SEMA6D: variants seen among roughly 807,000 people sequenced by gnomAD.
SEMA6D encodes the protein semaphorin-6D.
SEMA6D carries 35 observed loss-of-function variants against 106.6 expected under a neutral mutation model. The ratio of observed to expected loss-of-function variants is 0.33; its 90% CI spans 0.25 to 0.44. The LOEUF (loss-of-function observed/expected upper bound fraction) is 0.44, where lower values mean the gene tolerates loss of function less well. SEMA6D is among the 20% of genes least tolerant of loss of function. The pLI is 1.00. For missense variants in SEMA6D, 1,185 were observed against 1,345.9 expected (o/e 0.88, Z 1.87); for synonymous variants, 499 against 487.7 (o/e 1.02, Z -0.31).
intron 1 of SEMA6D, among the ~76,000 whole-genome samples, chr15:47,213,245 C>T (rs1449241197): frequency 2.6e-5 from 4 of 152,178 alleles, no homozygotes; most frequent in Non-Finnish European, 5.9e-5. Flanking sequence ...ATACTTCCAT[C>T]ACTGCATGAA....
intron 3 of SEMA6D, among the ~76,000 whole-genome samples, chr15:47,489,380 A>T (rs1342712449): frequency 6.6e-6 from 1 of 152,224 alleles, no homozygotes; most frequent in African/African-American, 2.4e-5. Context: ...AGCAGCCCAA[A>T]TAAACTAATA....
intron 2 of SEMA6D, among the ~76,000 whole-genome samples, chr15:47,440,972 C>CA (rs2041864323): frequency 6.6e-6 from 1 of 152,086 alleles, no homozygotes; most frequent in South Asian, 2.1e-4. Flanking sequence ...TGTTTGTCCT[C>CA]ACCTTGTGTG....
chr15:47,525,831 T>A (rs1236170910), intron 3 of SEMA6D, among the ~76,000 whole-genome samples: 2 of 152,180 alleles, frequency 1.3e-5, no homozygotes, highest in African/African-American at 2.4e-5. Context: ...ATAGGCAGTT[T>A]TTTATGTCAT....
intron 2 of SEMA6D, among the ~76,000 whole-genome samples, chr15:47,419,810 T>A (rs1247357646): frequency 6.6e-6 from 1 of 152,104 alleles, no homozygotes; most frequent in Non-Finnish European, 1.5e-5. Context: ...TCAGGAAGTA[T>A]GAGGCCAAGA....
intron 1 of SEMA6D, among the ~76,000 whole-genome samples, chr15:47,743,616 GA>G (rs1379912498): frequency 2.0e-5 from 3 of 152,186 alleles, no homozygotes; most frequent in African/African-American, 7.2e-5. Flanking sequence ...GCCGGAGAAG[GA>G]AAAGAAGGAA....
At chr15:47,443,241 C>G (rs1421431947) in intron 2 of SEMA6D, among the ~76,000 whole-genome samples, 2 of 152,128 alleles carry the variant, frequency 1.3e-5, no homozygotes, top group South Asian at 2.1e-4. Flanking sequence ...TGTGTACCCT[C>G]TCTTTGAAAC....
chr15:47,578,765 G>T (rs1325144406), intron 3 of SEMA6D, among the ~76,000 whole-genome samples: 2 of 151,676 alleles, frequency 1.3e-5, no homozygotes, highest in Non-Finnish European at 2.9e-5. Flanking sequence ...TACCTATGTG[G>T]CATACATTTT....
At chr15:47,286,326 A>C (rs1341399622) in intron 1 of SEMA6D, among the ~76,000 whole-genome samples, 1 of 152,146 alleles carries the variant, frequency 6.6e-6, no homozygotes, top group Non-Finnish European at 1.5e-5. Flanking sequence ...TTTTGGTCTC[A>C]GTACACCTTT....
chr15:47,603,896 C>T (rs1297868762), intron 4 of SEMA6D: 2 of 152,112 alleles, frequency 1.3e-5, no homozygotes, highest in Admixed American at 1.3e-4. Context: ...TTCTGTTTTT[C>T]CTAACATTTA....
chr15:47,367,003 C>G (rs1013158105), intron 1 of SEMA6D, among the ~76,000 whole-genome samples: 3 of 152,196 alleles, frequency 2.0e-5, no homozygotes, highest in African/African-American at 7.2e-5. Flanking sequence ...AGCATGGACT[C>G]TAGAATGGGC....
chr15:47,318,976 G>A (rs1433376837), intron 1 of SEMA6D, among the ~76,000 whole-genome samples: 1 of 152,050 alleles, frequency 6.6e-6, no homozygotes, highest in African/African-American at 2.4e-5. Flanking sequence ...GGTGTGAGAT[G>A]GTATCTCATT....
At chr15:47,382,842 A>G (rs947258493) in intron 1 of SEMA6D, among the ~76,000 whole-genome samples, 5 of 152,168 alleles carry the variant, frequency 3.3e-5, no homozygotes, top group African/African-American at 1.2e-4. Context: ...ATCTTGGCTC[A>G]CTGTAACCTC....
intron 4 of SEMA6D, among the ~76,000 whole-genome samples, chr15:47,617,512 T>C (rs539046647): frequency 6.6e-6 from 1 of 152,302 alleles, no homozygotes; most frequent in African/African-American, 2.4e-5. Flanking sequence ...AGAAGTAGGC[T>C]TTCAGGAAAG....
At chr15:47,453,005 T>C (rs1424382676) in intron 2 of SEMA6D, among the ~76,000 whole-genome samples, 3 of 151,970 alleles carry the variant, frequency 2.0e-5, no homozygotes, top group African/African-American at 7.2e-5. Context: ...ACCTTCTCAT[T>C]TGTAGTTCAT....
At chr15:47,702,499 C>G (rs1047385872) in intron 4 of SEMA6D, among the ~76,000 whole-genome samples, 2 of 152,162 alleles carry the variant, frequency 1.3e-5, no homozygotes, top group African/African-American at 4.8e-5. Context: ...CCATACAATC[C>G]AACAATCGCA....
Position 47,451,864 on chromosome 15 carries a change from T to C in SEMA6D, c.-158-18610T>C, listed in dbSNP as rs2042203650. On this transcript the variant is annotated intron_variant, in intron 2 of 19. Transcript: ENST00000558014. ...CAATGGACATGCTGTTGGTCTTGAT[T>C]TTAGTGGACATTGAATGGTACATTA... Among the ~76,000 whole-genome samples the C allele has an allele frequency of 2.0e-5, 3 of 152,104 alleles. No individual in the cohort carries two copies. In the South Asian group the frequency reaches 6.2e-4, roughly 32 times the overall value.
chr15:47,420,273 G>A (rs1410928433), intron 2 of SEMA6D, among the ~76,000 whole-genome samples: 1 of 151,872 alleles, frequency 6.6e-6, no homozygotes, highest in Non-Finnish European at 1.5e-5. Context: ...TGTATTATTG[G>A]GCTTGTCATA....
At chr15:47,449,912 C>T (rs2042137758) in intron 2 of SEMA6D, among the ~76,000 whole-genome samples, 1 of 152,066 alleles carries the variant, frequency 6.6e-6, no homozygotes. Flanking sequence ...ATGTGTTTAG[C>T]CGTCCCTGAG....
At chr15:47,259,072 TAAAGTG>T (rs1195533494) in intron 1 of SEMA6D, among the ~76,000 whole-genome samples, 1 of 152,216 alleles carries the variant, frequency 6.6e-6, no homozygotes, top group Non-Finnish European at 1.5e-5. Context: ...TTTTACCACT[TAAAGTG>T]AAATGTGGGA....
Sources: gnomAD v4.1 joint callset for allele counts (sites outside exome capture counted in the v4.1 genomes callset) on GRCh38, gnomAD v4.1.1 for gene constraint, MANE v1.5 for transcripts, NCBI Gene and HGNC (gene_info 2026-07-23, HGNC 2026-07-21) for gene names.